Variants in RAP1GDS1 observed in about 807,000 individuals in gnomAD.
The protein encoded by RAP1GDS1 is Rap1 GTPase-GDP dissociation stimulator 1.
Under a neutral mutation model 71.1 loss-of-function variants are expected in RAP1GDS1, and 35 were observed. That is an observed-to-expected ratio of 0.49 (90% confidence interval 0.38 to 0.65). The LOEUF (loss-of-function observed/expected upper bound fraction) is 0.65. Among genes scored for constraint, RAP1GDS1 ranks in the 30% least tolerant of loss-of-function variants. RAP1GDS1 has a pLI of 0.00. For missense variants in RAP1GDS1, 663 were observed against 706.1 expected, an observed-to-expected ratio of 0.94 and a Z score of 0.69; for synonymous variants, 229 against 243.1, an observed-to-expected ratio of 0.94 and a Z score of 0.54.
intron 4 of RAP1GDS1, among the ~76,000 whole-genome samples, chr4:98,363,829 A>G (rs1237325497): frequency 3.9e-5 from 6 of 152,180 alleles, no homozygotes; most frequent in African/African-American, 1.4e-4. Flanking sequence ...TCCAGTCACA[A>G]CATAATGGTA....
intron 6 of RAP1GDS1, among the ~76,000 whole-genome samples, chr4:98,399,264 G>C (rs1011903411): frequency 3.3e-5 from 5 of 152,148 alleles, no homozygotes; most frequent in African/African-American, 1.2e-4. Flanking sequence ...GAAAACAACA[G>C]AGTGAAAAGA....
At chr4:98,273,674 G>A (rs1182762638) in intron 1 of RAP1GDS1, among the ~76,000 whole-genome samples, 2 of 152,040 alleles carry the variant, frequency 1.3e-5, no homozygotes, top group African/African-American at 4.8e-5. Flanking sequence ...ACACAAATAA[G>A]TACTGCCAAT....
intron 1 of RAP1GDS1, among the ~76,000 whole-genome samples, chr4:98,265,046 T>G (rs974825514): frequency 6.6e-6 from 1 of 152,206 alleles, no homozygotes; most frequent in Non-Finnish European, 1.5e-5. Flanking sequence ...AACATTTTTA[T>G]GTAGTTAAGT....
At chr4:98,289,781 C>T (rs1455860648) in intron 1 of RAP1GDS1, among the ~76,000 whole-genome samples, 1 of 151,964 alleles carries the variant, frequency 6.6e-6, no homozygotes, top group African/African-American at 2.4e-5. Flanking sequence ...CTATTATTTC[C>T]AGCTGCTAAG....
intron 12 of RAP1GDS1, among the ~76,000 whole-genome samples, chr4:98,433,469 A>G (rs1750726199): frequency 6.6e-6 from 1 of 151,650 alleles, no homozygotes; most frequent in Non-Finnish European, 1.5e-5. Flanking sequence ...TAATTTTTTT[A>G]TTTTTTGTAG....
chr4:98,383,802 A>G lies in RAP1GDS1; in HGVS notation c.508+4639A>G, dbSNP rs73834462. The stretch of plus-strand genomic sequence containing the variant: ...AGCAACAATTTCTTAGTTCATAATT[A>G]AAAACTAAAAAGCATGTTGGCCTGA... On this transcript the variant is annotated intron_variant, in intron 5 of 14. Coordinates refer to ENST00000408927, the MANE Select transcript of RAP1GDS1 (RefSeq NM_001100427.2). Among the ~76,000 whole-genome samples the G allele has an allele frequency of 5.0e-3, 756 of 151,696 alleles. 7 individuals are homozygous for G. Among genetic ancestry groups the G allele is most frequent in the South Asian group, 0.018 (86 of 4,830 alleles).
In RAP1GDS1 at chr4:98,418,806, T is replaced by C. The variant is rs762649388; in HGVS notation, c.1174+15T>C. ...GGCCATTCCAGGTAAGACTTAAGAA[T>C]AGAAGGCAGCTGTGTACAAAATAAA... On this transcript the variant is annotated intron_variant, in intron 10 of 14. Coordinates refer to ENST00000408927, the MANE Select transcript of RAP1GDS1 (RefSeq NM_001100427.2). The C allele has an allele frequency of 6.3e-7, 1 of 1,580,684 alleles. No individual in the cohort carries two copies. Among genetic ancestry groups the C allele is most frequent in the African/African-American group, 1.4e-5 (1 of 73,092 alleles).
At chr4:98,261,617 T>A in intron 1 of RAP1GDS1, 48 bp downstream of exon 1, 1 of 1,579,872 alleles carries the variant, frequency 6.3e-7, no homozygotes, top group Non-Finnish European at 8.7e-7. Context: ...TTTTTCTTTC[T>A]CGGCGTGCTG....
chr4:98,400,383 C>T (rs1745201861), intron 6 of RAP1GDS1, among the ~76,000 whole-genome samples: 1 of 151,614 alleles, frequency 6.6e-6, no homozygotes, highest in Non-Finnish European at 1.5e-5. Flanking sequence ...TACTATTCAG[C>T]CACCGAAAAG....
chr4:98,297,212 T>G (rs1343127737), intron 2 of RAP1GDS1, among the ~76,000 whole-genome samples: 1 of 152,158 alleles, frequency 6.6e-6, no homozygotes, highest in African/African-American at 2.4e-5. Flanking sequence ...CACTCACATG[T>G]TGAATTCTTG....
intron 4 of RAP1GDS1, among the ~76,000 whole-genome samples, chr4:98,378,077 A>G (rs558473601): frequency 1.4e-4 from 21 of 152,024 alleles, no homozygotes; most frequent in South Asian, 1.2e-3. Flanking sequence ...TAATGTGTCT[A>G]TTAGTAAATT....
At chr4:98,364,822 G>C (rs1739239862) in intron 4 of RAP1GDS1, among the ~76,000 whole-genome samples, 1 of 151,756 alleles carries the variant, frequency 6.6e-6, no homozygotes, top group Non-Finnish European at 1.5e-5. Context: ...GAGTCCAGGA[G>C]TTCAAGACCC....
chr4:98,343,461 A>G (rs935044379), intron 3 of RAP1GDS1, 200 bp downstream of exon 3: 4 of 590,322 alleles, frequency 6.8e-6, no homozygotes, highest in Non-Finnish European at 1.1e-5. Flanking sequence ...CTGATAACCC[A>G]TTCCTTCTCA....
At chr4:98,273,203 T>A (rs1350493160) in intron 1 of RAP1GDS1, among the ~76,000 whole-genome samples, 1 of 152,166 alleles carries the variant, frequency 6.6e-6, no homozygotes, top group African/African-American at 2.4e-5. Flanking sequence ...TTGCTAGTTG[T>A]CTCCGCTGCT....
chr4:98,297,018 C>CT (rs368390868), intron 2 of RAP1GDS1: 22,586 of 152,800 alleles, frequency 0.15, 2,131 homozygotes, highest in African/African-American at 0.3. Context: ...GCCTCGTTCT[C>CT]TTTTTTTTTT....
At chr4:98,392,272 G>T in intron 6 of RAP1GDS1, 192 bp downstream of exon 6, 1 of 449,806 alleles carries the variant, frequency 2.2e-6, no homozygotes, top group Non-Finnish European at 3.8e-6. Context: ...GTTTATGAGA[G>T]CGTTTTATTT....
chr4:98,347,292 G>A (rs1736431594), intron 3 of RAP1GDS1, among the ~76,000 whole-genome samples: 1 of 152,112 alleles, frequency 6.6e-6, no homozygotes, highest in African/African-American at 2.4e-5. Context: ...TGTAATTCAA[G>A]TAGGTTTGAG....
At chr4:98,382,347 A>G (rs1035377585) in intron 5 of RAP1GDS1, among the ~76,000 whole-genome samples, 1 of 151,728 alleles carries the variant, frequency 6.6e-6, no homozygotes, top group Admixed American at 6.6e-5. Context: ...AAATTTATCC[A>G]TTTTGGAAAA....
intron 12 of RAP1GDS1, among the ~76,000 whole-genome samples, chr4:98,428,073 T>C (rs1749865309): frequency 6.6e-6 from 1 of 152,134 alleles, no homozygotes; most frequent in Non-Finnish European, 1.5e-5. Flanking sequence ...AGCCAACTGA[T>C]CTTTGACAAA....
Sources: gnomAD v4.1 joint callset for allele counts (sites outside exome capture counted in the v4.1 genomes callset) on GRCh38, gnomAD v4.1.1 for gene constraint, MANE v1.5 for transcripts, NCBI Gene and HGNC (gene_info 2026-07-23, HGNC 2026-07-21) for gene names.